TMTC1: variants seen among roughly 807,000 people sequenced by gnomAD.
TMTC1 encodes protein O-mannosyl-transferase TMTC1.
In TMTC1, 73 loss-of-function variants were observed where a neutral mutation model predicts 104.8. The observed-to-expected ratio is 0.70, with a 90% CI of 0.58 to 0.85. The LOEUF (loss-of-function observed/expected upper bound fraction) is 0.85. Ranked by LOEUF, TMTC1 falls within the 40% of genes least tolerant of loss-of-function variation. The pLI is 0.00. For synonymous variants in TMTC1, 434 were observed against 428.7 expected, an observed-to-expected ratio of 1.01 and a Z score of -0.15; for missense variants, 1,035 against 1,096.1, an observed-to-expected ratio of 0.94 and a Z score of 0.79.
At chr12:29,586,782 A>T (rs142041637) in intron 7 of TMTC1, among the ~76,000 whole-genome samples, 1 of 148,688 alleles carries the variant, frequency 6.7e-6, no homozygotes, top group African/African-American at 2.6e-5. Context: ...CCAGGAATGA[A>T]GCCCACTTGA....
At chr12:29,729,399 T>A (rs1338560487) in intron 5 of TMTC1, among the ~76,000 whole-genome samples, 1 of 152,014 alleles carries the variant, frequency 6.6e-6, no homozygotes, top group Non-Finnish European at 1.5e-5. Flanking sequence ...GTCACATCAA[T>A]AAACTTCCCT....
chr12:29,715,239 C>T (rs1417087279), intron 5 of TMTC1, among the ~76,000 whole-genome samples: 1 of 152,050 alleles, frequency 6.6e-6, no homozygotes, highest in Admixed American at 6.5e-5. Flanking sequence ...TTATGAAAGA[C>T]CAATGAGTCA....
At position 29,668,454 on chromosome 12, in the gene TMTC1, CTT is replaced by C. The variant is rs66652706; in HGVS notation, c.939-35120_939-35119del. On this transcript the variant is annotated intron_variant, in intron 5 of 17. Transcript: ENST00000539277. ...CCACATTCAAACCATACCAACTTAT[CTT>C]TTTTTTTTTTTTTTTTTTTTTTGAG... is the stretch of plus-strand genomic sequence containing the variant. 2.7e-3 allele frequency among the ~76,000 whole-genome samples: 241 copies of C among 90,012 alleles called. 1 individual carries two copies. Among genetic ancestry groups the C allele is most frequent in the African/African-American group, 8.6e-3 (190 of 22,006 alleles). 59.1% of individuals were successfully genotyped at this position (90,012 alleles called of 152,430 possible).
Position 29,517,567 on chromosome 12 carries a change from G to A in TMTC1, c.2029C>T (p.Leu677=). 2 of 1,614,086 alleles carry A rather than the reference G, an allele frequency of 1.2e-6. No homozygotes were observed. Among genetic ancestry groups the A allele is most frequent in the South Asian group, 1.1e-5 (1 of 91,066 alleles). Residue 677 remains leucine, a synonymous_variant, in exon 14 of 18, where the codon CTG becomes TTG. Transcript: ENST00000539277. The part of the protein sequence containing the change: ...SMAEEWYKRA[L]QVAHKAEILS... ...ATCTCAGCTTTGTGTGCCACCTGCA[G>A]GGCGCTGAGTTTGGAGAAAATCTAA...
chr12:29,647,531 G>T (rs1277348126), intron 5 of TMTC1, among the ~76,000 whole-genome samples: 1 of 152,306 alleles, frequency 6.6e-6, no homozygotes, highest in East Asian at 1.9e-4. Flanking sequence ...GTCCTAGGCT[G>T]TAACAATGAA....
At chr12:29,674,709 G>A (rs1208499415) in intron 5 of TMTC1, among the ~76,000 whole-genome samples, 1 of 152,150 alleles carries the variant, frequency 6.6e-6, no homozygotes, top group African/African-American at 2.4e-5. Flanking sequence ...TCAACGACCT[G>A]TGGTGCCCAG....
chr12:29,596,709 C>A (rs1393467534), intron 7 of TMTC1, among the ~76,000 whole-genome samples: 1 of 152,190 alleles, frequency 6.6e-6, no homozygotes, highest in Non-Finnish European at 1.5e-5. Flanking sequence ...CACTGACAAG[C>A]CTACGTTGCT....
chr12:29,610,665 G>C (rs1946821858), intron 6 of TMTC1, among the ~76,000 whole-genome samples: 2 of 152,164 alleles, frequency 1.3e-5, no homozygotes, highest in African/African-American at 4.8e-5. Flanking sequence ...CCTGATTCCG[G>C]CCCCAGTGGT....
chr12:29,624,403 C>A (rs7980079), intron 6 of TMTC1, among the ~76,000 whole-genome samples: 38,767 of 151,980 alleles, frequency 0.26, 5,826 homozygotes, highest in South Asian at 0.46. Context: ...GGAAAGTAGG[C>A]GAAGGCTTAA....
intron 12 of TMTC1, among the ~76,000 whole-genome samples, chr12:29,520,204 G>T (rs573856569): frequency 6.6e-6 from 1 of 152,244 alleles, no homozygotes; most frequent in East Asian, 1.9e-4. Flanking sequence ...AAGGAATGAT[G>T]GAACAATTCT....
chr12:29,518,293 C>A (rs1944048013), intron 13 of TMTC1, among the ~76,000 whole-genome samples, 179 bp downstream of exon 13: 1 of 152,178 alleles, frequency 6.6e-6, no homozygotes, highest in African/African-American at 2.4e-5. Context: ...AAGCCAAAGT[C>A]ATGAATTATG....
intron 1 of TMTC1, among the ~76,000 whole-genome samples, chr12:29,776,064 A>G (rs1480400761): frequency 6.6e-6 from 1 of 152,170 alleles, no homozygotes; most frequent in Admixed American, 6.5e-5. Context: ...ACTCCATTTG[A>G]TCCAACAAGG....
chr12:29,541,098 T>C (rs1944784923), intron 10 of TMTC1, among the ~76,000 whole-genome samples: 1 of 152,218 alleles, frequency 6.6e-6, no homozygotes, highest in Admixed American at 6.5e-5. Context: ...TTGAATAAAA[T>C]TTGACAAAAG....
At chr12:29,574,161 T>C (rs1031816475) in intron 8 of TMTC1, among the ~76,000 whole-genome samples, 4 of 152,154 alleles carry the variant, frequency 2.6e-5, no homozygotes, top group East Asian at 3.9e-4. Context: ...CTTTGGAGAA[T>C]AGCCCTGCAT....
rs555560031 is a variant in TMTC1 at position 29,637,742 on chromosome 12, T to C, written c.939-4406A>G. On this transcript the variant is annotated intron_variant, in intron 5 of 17. Coordinates refer to ENST00000539277, the MANE Select transcript of TMTC1 (RefSeq NM_001193451.2). Reference sequence around the variant, plus strand: ...TTCTCTGCCTCAGCAAAAACCTATCTGGCTAAGAAATGACATGAGCCTAAC... The same window carrying C: ...TTCTCTGCCTCAGCAAAAACCTATCCGGCTAAGAAATGACATGAGCCTAAC... 3.9e-4 allele frequency among the ~76,000 whole-genome samples: 60 copies of C among 152,350 alleles called. No individual in the cohort carries two copies. In the East Asian group the frequency reaches 0.011, roughly 28 times the overall value.
rs140940243 is a variant in TMTC1, at chr12:29,667,138, G to A, written c.939-33802C>T. Among the ~76,000 whole-genome samples, 802 of 152,214 alleles carry A rather than the reference G, an allele frequency of 5.3e-3. 7 individuals are homozygous for A. Among genetic ancestry groups the A allele is most frequent in the African/African-American group, 0.018 (764 of 41,514 alleles). On this transcript the variant is annotated intron_variant, in intron 5 of 17. Coordinates refer to ENST00000539277, the MANE Select transcript of TMTC1 (RefSeq NM_001193451.2). ...TGTCTTTTGACACTTAACAATAAAG[G>A]AAACTTAAGTGTTTATGGGTTCTCT...
chr12:29,700,037 A>T (rs1941541012), intron 5 of TMTC1, among the ~76,000 whole-genome samples: 1 of 151,782 alleles, frequency 6.6e-6, no homozygotes, highest in Admixed American at 6.6e-5. Context: ...AATTTTTAAA[A>T]TTTTACATTT....
At chr12:29,683,132 A>T (rs893508390) in intron 5 of TMTC1, among the ~76,000 whole-genome samples, 1 of 152,242 alleles carries the variant, frequency 6.6e-6, no homozygotes, top group Non-Finnish European at 1.5e-5. Flanking sequence ...AACTCAAAGC[A>T]TGAACAGATA....
chr12:29,522,938 A>G (rs1944222055), intron 11 of TMTC1, among the ~76,000 whole-genome samples: 1 of 152,354 alleles, frequency 6.6e-6, no homozygotes, highest in South Asian at 2.1e-4. Context: ...ACGTTGGTTT[A>G]TCATGCTGGT....
Sources: allele counts gnomAD v4.1 joint callset (sites outside exome capture counted in the v4.1 genomes callset), GRCh38; gene constraint gnomAD v4.1.1; transcripts MANE v1.5; gene names NCBI Gene and HGNC (gene_info 2026-07-23, HGNC 2026-07-21).